Variants in CCDC6 observed in about 807,000 individuals in gnomAD.
CCDC6 encodes the protein coiled-coil domain containing 6, also known as coiled-coil domain-containing protein 6.
Under a neutral mutation model 56.6 loss-of-function variants are expected in CCDC6, and 20 were observed. The ratio of observed to expected loss-of-function variants is 0.35; its 90% CI spans 0.25 to 0.51. The LOEUF is 0.51. CCDC6 is among the 20% of genes least tolerant of loss of function. The pLI is 0.95. For missense variants in CCDC6, 367 were observed against 601.1 expected (o/e 0.61, Z 4.07); for synonymous variants, 241 against 234.4 (o/e 1.03, Z -0.26).
intron 2 of CCDC6, among the ~76,000 whole-genome samples, chr10:59,846,069 A>G (rs1564747506): frequency 6.6e-6 from 1 of 152,214 alleles, no homozygotes. Flanking sequence ...TACATCCTGG[A>G]AAAGAAGAGA....
chr10:59,847,975 C>A (rs908778024), intron 2 of CCDC6, among the ~76,000 whole-genome samples: 2 of 152,056 alleles, frequency 1.3e-5, no homozygotes, highest in Admixed American at 6.5e-5. Flanking sequence ...CACGTCTATG[C>A]GGGTTTTCTC....
chr10:59,899,695 A>G (rs561944241), intron 1 of CCDC6, among the ~76,000 whole-genome samples: 1 of 152,318 alleles, frequency 6.6e-6, no homozygotes, highest in African/African-American at 2.4e-5. Flanking sequence ...CCATCACCAA[A>G]ACCAAGGCAG....
intron 7 of CCDC6, among the ~76,000 whole-genome samples, chr10:59,803,666 T>G (rs2070595219): frequency 1.3e-5 from 2 of 152,176 alleles, no homozygotes. Flanking sequence ...CTCCCTGGCC[T>G]GAGAGCCCCA....
chr10:59,827,356 C>T (rs1375990641), intron 3 of CCDC6, among the ~76,000 whole-genome samples: 1 of 152,190 alleles, frequency 6.6e-6, no homozygotes, highest in African/African-American at 2.4e-5. Context: ...GTGACACATA[C>T]AATTATATAT....
intron 1 of CCDC6, among the ~76,000 whole-genome samples, chr10:59,895,795 T>C (rs1264834378): frequency 6.6e-6 from 1 of 152,214 alleles, no homozygotes; most frequent in Non-Finnish European, 1.5e-5. Flanking sequence ...TTTGTTTACC[T>C]GAGGGCGTTG....
chr10:59,864,674 T>C (rs1277475618), intron 1 of CCDC6, among the ~76,000 whole-genome samples: 2 of 152,144 alleles, frequency 1.3e-5, no homozygotes, highest in African/African-American at 4.8e-5. Context: ...TATGGGTTAA[T>C]GGGTGGTTTC....
At chr10:59,906,005 G>T in intron 1 of CCDC6, 117 bp downstream of exon 1, 1 of 882,304 alleles carries the variant, frequency 1.1e-6, no homozygotes, top group Non-Finnish European at 1.7e-6. Flanking sequence ...CAGGGAGTGT[G>T]CTCTCAGAGG....
intron 6 of CCDC6, chr10:59,804,739 G>C (rs1182204763): frequency 6.2e-6 from 3 of 484,300 alleles, no homozygotes; most frequent in Non-Finnish European, 1.1e-5. Context: ...GGGAGACCTA[G>C]GATGTTTTAG....
intron 1 of CCDC6, among the ~76,000 whole-genome samples, chr10:59,897,677 T>C (rs766221024): frequency 4.6e-5 from 7 of 152,202 alleles, no homozygotes; most frequent in African/African-American, 7.2e-5. Flanking sequence ...TTAGCCTCTC[T>C]AATTCAATCT....
At chr10:59,835,901 A>G (rs1008846486) in intron 2 of CCDC6, among the ~76,000 whole-genome samples, 4 of 152,004 alleles carry the variant, frequency 2.6e-5, no homozygotes, top group African/African-American at 9.7e-5. Flanking sequence ...CTACAAAAAA[A>G]GATTAGCTGG....
intron 1 of CCDC6, among the ~76,000 whole-genome samples, chr10:59,903,770 C>T (rs148992179): frequency 6.6e-5 from 10 of 152,256 alleles, no homozygotes; most frequent in African/African-American, 2.4e-4. Flanking sequence ...CTTAAGTCAG[C>T]GATGTCAGGG....
At chr10:59,865,094 T>C (rs953666768) in intron 1 of CCDC6, among the ~76,000 whole-genome samples, 75 of 152,174 alleles carry the variant, frequency 4.9e-4, no homozygotes, top group South Asian at 4.1e-4. Context: ...TGGAGGCCTC[T>C]AACCAGCTAT....
rs1365544537 is a variant in CCDC6 at position 59,804,381 on chromosome 10, A to G, written c.1105+39T>C. The G allele has an allele frequency of 4.1e-6, 5 of 1,222,886 alleles. No homozygotes were observed. In the Admixed American group the frequency reaches 6.7e-5, roughly 16 times the overall value. The allele number at this position is 1,222,886 out of a possible 1,614,324, so 75.8% of individuals were successfully genotyped here. ...GTCAGGGTTGCCTATTCAATGTGCC[A>G]GGAATCAGTCACTGAAATAGCCAAA... On this transcript the variant is annotated intron_variant, in intron 7 of 8. Coordinates refer to ENST00000263102, the MANE Select transcript of CCDC6 (RefSeq NM_005436.5).
intron 1 of CCDC6, among the ~76,000 whole-genome samples, chr10:59,864,512 T>C (rs553014366): frequency 3.9e-5 from 6 of 152,308 alleles, no homozygotes; most frequent in Non-Finnish European, 5.9e-5. Flanking sequence ...TTAACCCTGA[T>C]GATTGTTCTG....
chr10:59,817,974 G>C (rs191036167), intron 3 of CCDC6, among the ~76,000 whole-genome samples: 39 of 152,274 alleles, frequency 2.6e-4, no homozygotes, highest in African/African-American at 8.4e-4. Flanking sequence ...CCACTAGCCT[G>C]CAAGATGACA....
intron 1 of CCDC6, among the ~76,000 whole-genome samples, chr10:59,853,962 C>A (rs2071060085): frequency 6.6e-6 from 1 of 152,148 alleles, no homozygotes; most frequent in Non-Finnish European, 1.5e-5. Flanking sequence ...TGGGAAAGGG[C>A]ATCCATGTTT....
In CCDC6 at chr10:59,834,920, C is replaced by A. The variant is rs10994038; in HGVS notation, c.454-2267G>T. ...AAATATAGCAAAGCATGTTCATCTG[C>A]GCCTAAGGCTTTCATTCAGTAAGCG... On this transcript the variant is annotated intron_variant, in intron 2 of 8. Coordinates refer to ENST00000263102, the MANE Select transcript of CCDC6 (RefSeq NM_005436.5). Among the ~76,000 whole-genome samples, 856 of 152,296 alleles carry A rather than the reference C, an allele frequency of 5.6e-3. 11 individuals are homozygous for A. Among genetic ancestry groups the A allele is most frequent in the East Asian group, 0.032 (167 of 5,180 alleles).
At chr10:59,801,225 G>C (rs904455111) in intron 7 of CCDC6, among the ~76,000 whole-genome samples, 4 of 152,118 alleles carry the variant, frequency 2.6e-5, no homozygotes, top group African/African-American at 9.7e-5. Flanking sequence ...ATTAAAGGCA[G>C]GCACTTTTCC....
At chr10:59,889,209 T>G (rs2071404194) in intron 1 of CCDC6, among the ~76,000 whole-genome samples, 2 of 152,182 alleles carry the variant, frequency 1.3e-5, no homozygotes, top group Admixed American at 1.3e-4. Flanking sequence ...GCTTCCCATC[T>G]GGCATTCCCT....
Sources: gnomAD v4.1 joint callset for allele counts (sites outside exome capture counted in the v4.1 genomes callset) on GRCh38, gnomAD v4.1.1 for gene constraint, MANE v1.5 for transcripts, NCBI Gene and HGNC (gene_info 2026-07-23, HGNC 2026-07-21) for gene names.